Variants in KRT82 observed in about 807,000 individuals in gnomAD.
The protein encoded by KRT82 is keratin 82, also known as keratin, type II cuticular Hb2.
Under a neutral mutation model 48.0 loss-of-function variants are expected in KRT82, and 44 were observed. The observed-to-expected ratio is 0.92, with a 90% CI of 0.72 to 1.18. KRT82 has a LOEUF of 1.18. KRT82 is among the 50% of genes most tolerant of loss of function. The pLI is 0.00. For missense variants in KRT82, 701 were observed against 671.4 expected, an observed-to-expected ratio of 1.04 and a Z score of -0.49; for synonymous variants, 297 against 278.3, an observed-to-expected ratio of 1.07 and a Z score of -0.67.
At position 52,395,777 on chromosome 12, in the gene KRT82, T is replaced by G; in HGVS notation, c.1303A>C (p.Ile435Leu). Residue 435 changes from isoleucine to leucine, a missense_variant, in exon 8 of 9, where the codon ATC becomes CTC. Transcript: ENST00000257974. ...EGEEHRLCEGIGPVNISVSSS... is the reference protein window; with the variant it reads ...EGEEHRLCEGLGPVNISVSSS... ...TACTTACAGATATTCACGGGCCCGA[T>G]GCCTTCGCACAGCCTGGGGATGAGA... is the stretch of plus-strand genomic sequence containing the variant. 1 of 1,553,176 alleles carries G rather than the reference T, an allele frequency of 6.4e-7. No homozygotes were observed. Among genetic ancestry groups the G allele is most frequent in the Non-Finnish European group, 8.7e-7 (1 of 1,153,622 alleles).
chr12:52,401,575 C>T (rs950606174), intron 2 of KRT82, among the ~76,000 whole-genome samples: 3 of 152,136 alleles, frequency 2.0e-5, no homozygotes, highest in African/African-American at 7.2e-5. Context: ...AACCTTCTCC[C>T]GCGATGAGTC....
rs773928683 is a variant in KRT82, at chr12:52,395,736, T to G, written c.1321+23A>C. The stretch of plus-strand genomic sequence containing the variant: ...TCAACCCCCAAGACTCCAGAGCCAG[T>G]GGGGCATGGCTCATCTACTTACAGA... On this transcript the variant is annotated intron_variant, in intron 8 of 8. Transcript: ENST00000257974. 5.1e-6 allele frequency: 8 copies of G among 1,553,808 alleles called. No homozygotes were observed. In the African/African-American group the frequency reaches 1.1e-4, roughly 22 times the overall value.
rs1436901890 is a variant in KRT82, at chr12:52,394,865, T to A, written c.*110A>T. 19 of 910,704 alleles carry A rather than the reference T, an allele frequency of 2.1e-5. No individual in the cohort carries two copies. In the East Asian group the frequency reaches 4.7e-4, roughly 23 times the overall value. The allele number at this position is 910,704 out of a possible 1,614,324, so 56.4% of individuals were successfully genotyped here. A position where few individuals can be genotyped will look rare whatever the true frequency, so the allele number is the denominator to read the frequency against. ...GGGAACACTGGAGGGGAATGTGGAG[T>A]CAATAAAGGGAGGTGGGGTTTTGGA... On this transcript the variant is annotated 3_prime_UTR_variant, in exon 9 of 9. Coordinates refer to ENST00000257974, the MANE Select transcript of KRT82 (RefSeq NM_033033.4).
intron 1 of KRT82, among the ~76,000 whole-genome samples, chr12:52,405,139 T>G (rs1420076499): frequency 6.6e-6 from 1 of 152,148 alleles, no homozygotes; most frequent in African/African-American, 2.4e-5. Flanking sequence ...TTTCCTGCAG[T>G]GGGTGCTGTA....
At chr12:52,401,256 C>T in intron 3 of KRT82, 33 bp downstream of exon 3, 1 of 1,604,362 alleles carries the variant, frequency 6.2e-7, no homozygotes, top group Non-Finnish European at 8.5e-7. Flanking sequence ...CAGGCCAGCT[C>T]AGGGGCTCTG....
At chr12:52,395,543 G>A (rs1209815549) in intron 8 of KRT82, among the ~76,000 whole-genome samples, 1 of 152,134 alleles carries the variant, frequency 6.6e-6, no homozygotes. Flanking sequence ...GGGCCCTGAA[G>A]CACTTGGACC....
At position 52,406,191 on chromosome 12, in the gene KRT82, G is replaced by T. The variant is rs369260868; in HGVS notation, c.87C>A (p.Thr29=). The change falls in exon 1 of 9, where the codon ACC becomes ACA. Residue 29 remains threonine (T), a synonymous_variant. Coordinates refer to ENST00000257974, the MANE Select transcript of KRT82 (RefSeq NM_033033.4). ...ATGGCCCCTTGCTCACTGCATAGTGGGTGACCATCCGGGGCATGACAGCCG... is the reference window on the plus strand; with the variant it reads ...ATGGCCCCTTGCTCACTGCATAGTGTGTGACCATCCGGGGCATGACAGCCG... The part of the protein sequence containing the change: ...SYSAVMPRMV[T]HYAVSKGPCR... 49 of 1,613,494 alleles carry T rather than the reference G, an allele frequency of 3.0e-5. No individual in the cohort carries two copies. Among genetic ancestry groups the T allele is most frequent in the South Asian group, 4.4e-5 (4 of 91,058 alleles).
Sources: allele counts gnomAD v4.1 joint callset (sites outside exome capture counted in the v4.1 genomes callset), GRCh38; gene constraint gnomAD v4.1.1; transcripts MANE v1.5; gene names NCBI Gene and HGNC (gene_info 2026-07-23, HGNC 2026-07-21).